The following LRP1B variants were observed in gnomAD, a reference collection of about 807,000 sequenced individuals.
The protein encoded by LRP1B is low-density lipoprotein receptor-related protein 1B.
LRP1B carries 217 observed loss-of-function variants against 556.6 expected under a neutral mutation model. That is an observed-to-expected ratio of 0.39 (90% CI 0.35 to 0.44). LRP1B has a LOEUF of 0.44. LRP1B is among the 20% of genes least tolerant of loss of function. The pLI is 1.00. For missense variants in LRP1B, 5,053 were observed against 5,620.8 expected, an observed-to-expected ratio of 0.90 and a Z score of 3.23; for synonymous variants, 2,047 against 1,865.8, an observed-to-expected ratio of 1.10 and a Z score of -2.50.
At chr2:141,795,657 A>G (rs1352788741) in intron 2 of LRP1B, among the ~76,000 whole-genome samples, 1 of 151,648 alleles carries the variant, frequency 6.6e-6, no homozygotes, top group East Asian at 1.9e-4. Context: ...AGCCAAGGGG[A>G]TGTCAATTCC....
chr2:140,496,785 G>A (rs1056809652), intron 55 of LRP1B, among the ~76,000 whole-genome samples: 3 of 152,034 alleles, frequency 2.0e-5, no homozygotes, highest in Non-Finnish European at 2.9e-5. Flanking sequence ...TCGAATAAAG[G>A]AAATTGTAAG....
chr2:141,463,573 TATATATA>T (rs1682013387), intron 3 of LRP1B, among the ~76,000 whole-genome samples: 1 of 45,068 alleles, frequency 2.2e-5, no homozygotes, highest in Non-Finnish European at 4.8e-5. Flanking sequence ...TATTATATAT[TATATATA>T]ATTATATATA....
rs1689587409 is a variant in LRP1B, at chr2:140,510,037, A to G, written c.8289T>C (p.Ala2763=). ...DSICGAITCA[A]DMFSCQGSRA... is the part of the protein sequence containing the mutation. Reference sequence around the variant, plus strand: ...GAGAGCCCTGGCAGCTGAACATGTCAGCAGCACAGGTTATGGCACCTGAAA... The same window carrying G: ...GAGAGCCCTGGCAGCTGAACATGTCGGCAGCACAGGTTATGGCACCTGAAA... The change falls in exon 52 of 91, where the codon GCT becomes GCC. Residue 2763 remains alanine, a synonymous_variant. Coordinates refer to ENST00000389484, the MANE Select transcript of LRP1B (RefSeq NM_018557.3). 1.9e-6 allele frequency: 3 copies of G among 1,613,796 alleles called. No homozygotes were observed. The highest frequency in any genetic ancestry group is 1.3e-5 in the African/African-American group (1 of 74,902).
intron 72 of LRP1B, among the ~76,000 whole-genome samples, chr2:140,361,246 T>G (rs941128674): frequency 8.8e-5 from 13 of 147,582 alleles, no homozygotes; most frequent in Non-Finnish European, 1.7e-4. Flanking sequence ...TCTCCCAATA[T>G]CTGCATCTGG....
intron 3 of LRP1B, among the ~76,000 whole-genome samples, chr2:141,349,173 T>G (rs1688360032): frequency 6.6e-6 from 1 of 152,072 alleles, no homozygotes; most frequent in South Asian, 2.1e-4. Flanking sequence ...AACTCCCACA[T>G]TTCAAGTATT....
chr2:142,108,991 A>G (rs116222935), intron 1 of LRP1B, among the ~76,000 whole-genome samples: 6,552 of 152,306 alleles, frequency 0.043, 228 homozygotes, highest in Non-Finnish European at 0.058. Flanking sequence ...GACGTCAGGT[A>G]AAGACAACTG....
intron 41 of LRP1B, among the ~76,000 whole-genome samples, chr2:140,671,835 T>C (rs1270408617): frequency 6.6e-6 from 1 of 152,168 alleles, no homozygotes; most frequent in East Asian, 1.9e-4. Flanking sequence ...TGGGTATCTT[T>C]TGGGAGCCAT....
At chr2:141,603,947 T>C (rs1687834105) in intron 2 of LRP1B, among the ~76,000 whole-genome samples, 1 of 152,188 alleles carries the variant, frequency 6.6e-6, no homozygotes, top group Non-Finnish European at 1.5e-5. Context: ...TGTAAGGAGA[T>C]TGCCTTAGGA....
At chr2:141,595,733 A>T (rs1358552317) in intron 2 of LRP1B, among the ~76,000 whole-genome samples, 1 of 152,112 alleles carries the variant, frequency 6.6e-6, no homozygotes, top group Non-Finnish European at 1.5e-5. Context: ...TCCCGTTGCC[A>T]TCACAAGCAT....
intron 1 of LRP1B, among the ~76,000 whole-genome samples, chr2:141,884,080 A>C (rs757380185): frequency 5.0e-4 from 76 of 152,298 alleles, no homozygotes; most frequent in Middle Eastern, 3.4e-3. Context: ...ATCAACTTTA[A>C]AAATGTATAA....
At chr2:140,352,236 C>T (rs769188607) in intron 76 of LRP1B, among the ~76,000 whole-genome samples, 3 of 152,146 alleles carry the variant, frequency 2.0e-5, no homozygotes, top group Middle Eastern at 3.4e-3. Context: ...AGTTCAGTGG[C>T]GCAATCCTGG....
chr2:141,766,521 T>C (rs1283529706), intron 2 of LRP1B, among the ~76,000 whole-genome samples: 3 of 152,200 alleles, frequency 2.0e-5, no homozygotes, highest in African/African-American at 7.2e-5. Context: ...TAGAGCACTT[T>C]ATTTAAAACT....
intron 7 of LRP1B, among the ~76,000 whole-genome samples, chr2:141,132,691 T>C (rs1011886089): frequency 6.6e-6 from 1 of 151,954 alleles, no homozygotes; most frequent in Admixed American, 6.6e-5. Context: ...ATTTTAGTAT[T>C]TACATAGGGA....
chr2:140,716,848 T>C (rs1296147614), intron 35 of LRP1B, 32 bp from the exon 36 acceptor site: 7 of 1,384,868 alleles, frequency 5.1e-6, no homozygotes, highest in Non-Finnish European at 7.1e-6. Context: ...AAAATACATA[T>C]ACACACACTG....
chr2:140,787,612 T>C (rs966904519), intron 32 of LRP1B, among the ~76,000 whole-genome samples: 1 of 132,532 alleles, frequency 7.5e-6, no homozygotes, highest in African/African-American at 2.8e-5. Flanking sequence ...ATTCTGTCAT[T>C]CAGGCCAGAA....
chr2:140,651,391 T>C (rs571061956), intron 41 of LRP1B, among the ~76,000 whole-genome samples: 49 of 145,840 alleles, frequency 3.4e-4, no homozygotes, highest in Non-Finnish European at 6.0e-4. Flanking sequence ...TCGGGAGATA[T>C]ACCTAATGCT....
At chr2:141,455,399 G>T (rs78652627) in intron 3 of LRP1B, among the ~76,000 whole-genome samples, 2,151 of 152,258 alleles carry the variant, frequency 0.014, 60 homozygotes, top group African/African-American at 0.049. Flanking sequence ...CTTGCTCAGC[G>T]ATCTGTATCT....
At chr2:140,703,470 T>C (rs2105433444) in intron 37 of LRP1B, among the ~76,000 whole-genome samples, 1 of 152,262 alleles carries the variant, frequency 6.6e-6, no homozygotes. Context: ...CCTTCTTAAT[T>C]CTTAATTTGA....
At chr2:140,754,602 TA>T (rs1201600403) in intron 35 of LRP1B, among the ~76,000 whole-genome samples, 1 of 151,928 alleles carries the variant, frequency 6.6e-6, no homozygotes, top group Non-Finnish European at 1.5e-5. Context: ...AATCACAAGA[TA>T]AATTAGAAAA....
Sources: allele counts gnomAD v4.1 joint callset (sites outside exome capture counted in the v4.1 genomes callset), GRCh38; gene constraint gnomAD v4.1.1; transcripts MANE v1.5; gene names NCBI Gene and HGNC (gene_info 2026-07-23, HGNC 2026-07-21).